CCDC88C: variants seen among roughly 807,000 people sequenced by gnomAD.
The protein encoded by CCDC88C is coiled-coil and HOOK domain protein 88C.
In CCDC88C, 131 loss-of-function variants were observed where a neutral mutation model predicts 198.8. That is an observed-to-expected ratio of 0.66 (90% confidence interval 0.57 to 0.76). The LOEUF is 0.76. CCDC88C is among the 30% of genes least tolerant of loss of function. The pLI, the probability that CCDC88C is intolerant of heterozygous loss-of-function variation, is 0.00. For synonymous variants in CCDC88C, 1,166 were observed against 1,114.7 expected, an observed-to-expected ratio of 1.05 and a Z score of -0.92; for missense variants, 2,553 against 2,631.6, an observed-to-expected ratio of 0.97 and a Z score of 0.65.
chr14:91,395,325 A>C (rs1458972503), intron 3 of CCDC88C, among the ~76,000 whole-genome samples: 1 of 152,122 alleles, frequency 6.6e-6, no homozygotes, highest in East Asian at 1.9e-4. Context: ...CGCTATTATT[A>C]TTCACTGATT....
At chr14:91,348,392 C>T (rs893125606) in intron 4 of CCDC88C, among the ~76,000 whole-genome samples, 5 of 150,928 alleles carry the variant, frequency 3.3e-5, no homozygotes, top group Non-Finnish European at 5.9e-5. Flanking sequence ...GTAGGAGGAT[C>T]GCCTGAGCCT....
At chr14:91,410,108 C>T (rs977557215) in intron 2 of CCDC88C, among the ~76,000 whole-genome samples, 1 of 152,058 alleles carries the variant, frequency 6.6e-6, no homozygotes, top group African/African-American at 2.4e-5. Context: ...GTATCATGTC[C>T]CTCCCTCATC....
At chr14:91,390,688 G>C (rs1885454291) in intron 3 of CCDC88C, among the ~76,000 whole-genome samples, 1 of 152,244 alleles carries the variant, frequency 6.6e-6, no homozygotes, top group Non-Finnish European at 1.5e-5. Context: ...CGAAAAGCCA[G>C]TGGCTGGTCC....
chr14:91,373,051 A>G (rs1430920381), intron 3 of CCDC88C, among the ~76,000 whole-genome samples: 1 of 152,190 alleles, frequency 6.6e-6, no homozygotes, highest in African/African-American at 2.4e-5. Flanking sequence ...CACCACAGTG[A>G]GCCCATAAAG....
At position 91,277,997 on chromosome 14, in the gene CCDC88C, G is replaced by C; in HGVS notation, c.4983C>G (p.Cys1661Trp). 1 of 1,575,530 alleles carries C rather than the reference G, an allele frequency of 6.3e-7. No homozygotes were observed. The highest frequency in any genetic ancestry group is 8.6e-7 in the Non-Finnish European group (1 of 1,158,868). ...CCATCTCACTGCTGGGGGAGGCCGA[G>C]CAGGGCCGCACTCCGACGTAGGGAG... ...TAPPYVGVRP[C>W]SASPSSEMVT... is the part of the protein sequence containing the mutation. The change falls in exon 29 of 30, where the codon TGC becomes TGG. Residue 1661 changes from cysteine to tryptophan, a missense_variant. Physicochemically the swap from Cys to Trp is radical, Grantham distance 215. Coordinates refer to ENST00000389857, the MANE Select transcript of CCDC88C (RefSeq NM_001080414.4).
chr14:91,325,229 G>A lies in CCDC88C; in HGVS notation c.1198-306C>T, dbSNP rs953544609. ...GCTTTAAAGCAAGTGTGCAGTGATGGGCAGCTCTGTGGCTCTAGCGAAGCC... is the reference window on the plus strand; with the variant it reads ...GCTTTAAAGCAAGTGTGCAGTGATGAGCAGCTCTGTGGCTCTAGCGAAGCC... On this transcript the variant is annotated intron_variant, in intron 11 of 29. Transcript: ENST00000389857. The surrounding 1 kb of genome is among the most constrained non-coding windows in gnomAD (Gnocchi z 4.1). Among the ~76,000 whole-genome samples the A allele has an allele frequency of 2.0e-5, 3 of 152,170 alleles. No homozygotes were observed. The highest frequency in any genetic ancestry group is 6.5e-5 in the Admixed American group (1 of 15,282).
chr14:91,344,638 A>T (rs550653509), intron 4 of CCDC88C, among the ~76,000 whole-genome samples: 382 of 151,496 alleles, frequency 2.5e-3, no homozygotes, highest in Non-Finnish European at 3.4e-3. Flanking sequence ...CAGCCTCCCG[A>T]GTAGCTGGGA....
At chr14:91,402,220 G>C (rs926770743) in intron 3 of CCDC88C, among the ~76,000 whole-genome samples, 3 of 152,134 alleles carry the variant, frequency 2.0e-5, no homozygotes, top group Non-Finnish European at 4.4e-5. Context: ...AGACTGCAGT[G>C]AGCTATGATC....
chr14:91,392,731 CCCCCTCACTCTCACCACG>C (rs1288833034), intron 3 of CCDC88C, among the ~76,000 whole-genome samples: 56 of 149,630 alleles, frequency 3.7e-4, no homozygotes, highest in South Asian at 2.1e-3. Context: ...CCTCACTGAG[CCCCCTCACTCTCACCACG>C]CCCCTCACTC....
chr14:91,373,199 T>C (rs1379749199), intron 3 of CCDC88C, among the ~76,000 whole-genome samples: 2 of 152,112 alleles, frequency 1.3e-5, no homozygotes, highest in African/African-American at 4.8e-5. Context: ...TGGGGCCACC[T>C]TCTCTCTTCT....
chr14:91,356,515 G>A (rs1033898190), intron 4 of CCDC88C, among the ~76,000 whole-genome samples: 6 of 152,056 alleles, frequency 3.9e-5, no homozygotes, highest in South Asian at 2.1e-4. Flanking sequence ...TATATACCAC[G>A]GGGGCCCCAG....
rs866896306 is a variant in CCDC88C, at chr14:91,273,181, G to T, written c.5531C>A (p.Thr1844Asn). The T allele has an allele frequency of 3.8e-6, 6 of 1,578,470 alleles. No individual in the cohort carries two copies. In the Middle Eastern group the frequency reaches 8.4e-4, roughly 220 times the overall value. ...ALGGRETGSH[T>N]LQSPAPPSSH... is the part of the protein sequence containing the mutation. ...GCTGGGGGGTGCGGGGCTTTGCAGG[G>T]TGTGGCTGCCTGTCTCTCTGCCCCC... Residue 1844 changes from threonine (T) to asparagine (N), a missense_variant, in exon 30 of 30, where the codon ACC becomes AAC. Thr to Asn is a moderately conservative substitution (Grantham distance 65, BLOSUM62 0). Coordinates refer to ENST00000389857, the MANE Select transcript of CCDC88C (RefSeq NM_001080414.4). This position sits in a 1 kb window ranked among gnomAD's most constrained non-coding sequence, Gnocchi z 5.6.
chr14:91,276,960 CATTTTT>C lies in CCDC88C; in HGVS notation c.5058+956_5058+961del, dbSNP rs969532666. ...GTATATCCTGTGAGAATAGTTGCTACATTTTTATTTTTATTTTATTTTTTCTTGAGA... is the reference window on the plus strand; with the variant it reads ...GTATATCCTGTGAGAATAGTTGCTACATTTTTATTTTATTTTTTCTTGAGA... On this transcript the variant is annotated intron_variant, in intron 29 of 29. Coordinates refer to ENST00000389857, the MANE Select transcript of CCDC88C (RefSeq NM_001080414.4). Among the ~76,000 whole-genome samples the C allele has an allele frequency of 7.1e-4, 108 of 152,268 alleles. 1 individual carries two copies. The highest frequency in any genetic ancestry group is 2.4e-3 in the Admixed American group (36 of 15,300).
chr14:91,278,888 A>ATT (rs1890078815), intron 28 of CCDC88C, among the ~76,000 whole-genome samples: 4 of 39,762 alleles, frequency 1.0e-4, no homozygotes, highest in African/African-American at 4.5e-4. Flanking sequence ...CACCAAATAC[A>ATT]CTTTTTTTTT....
At chr14:91,373,486 T>C (rs1894926635) in intron 3 of CCDC88C, among the ~76,000 whole-genome samples, 1 of 152,114 alleles carries the variant, frequency 6.6e-6, no homozygotes, top group African/African-American at 2.4e-5. Flanking sequence ...TACCCCTCCT[T>C]AGCCCCCACT....
intron 3 of CCDC88C, among the ~76,000 whole-genome samples, chr14:91,397,676 C>T (rs1178906671): frequency 1.3e-5 from 2 of 152,216 alleles, no homozygotes; most frequent in East Asian, 3.9e-4. Context: ...CGCCCAACCC[C>T]GGAAGTTTCA....
In CCDC88C at chr14:91,371,266, CAA is replaced by C. The variant is rs1031994445; in HGVS notation, c.271-11557_271-11556del. On this transcript the variant is annotated intron_variant, in intron 3 of 29. Transcript: ENST00000389857. The surrounding 1 kb of genome is among the most constrained non-coding windows in gnomAD (Gnocchi z 4.2). ...TACTTTTTTTTTTTAAGCTTCTTGG[CAA>C]AGTCAGTATTTTTGCTGATGGATGG... Among the ~76,000 whole-genome samples, 13 of 151,718 alleles carry C rather than the reference CAA, an allele frequency of 8.6e-5. No individual in the cohort carries two copies. The highest frequency in any genetic ancestry group is 2.0e-4 in the Admixed American group (3 of 15,260).
intron 24 of CCDC88C, 125 bp downstream of exon 24, chr14:91,290,870 T>C (rs1325441579): frequency 1.6e-6 from 1 of 636,204 alleles, no homozygotes; most frequent in Non-Finnish European, 2.8e-6. Context: ...CTCTCTCTGA[T>C]GTGGGAGGCA....
At chr14:91,413,744 T>C (rs1886906375) in intron 2 of CCDC88C, among the ~76,000 whole-genome samples, 1 of 152,166 alleles carries the variant, frequency 6.6e-6, no homozygotes, top group East Asian at 1.9e-4. Flanking sequence ...CCTTCTCCGG[T>C]TGCCGGAGAC....
Sources: gnomAD v4.1 joint callset for allele counts (sites outside exome capture counted in the v4.1 genomes callset) on GRCh38, gnomAD v4.1.1 for gene constraint, Gnocchi (gnomAD v3.1) non-coding constraint, MANE v1.5 for transcripts, NCBI Gene and HGNC (gene_info 2026-07-23, HGNC 2026-07-21) for gene names.